ANKRD26: variants seen among roughly 807,000 people sequenced by gnomAD.
The protein encoded by ANKRD26 is ankyrin repeat domain 26, also known as ankyrin repeat domain-containing protein 26.
ANKRD26 carries 141 observed loss-of-function variants against 208.7 expected under a neutral mutation model. That is an observed-to-expected ratio of 0.68 (90% confidence interval 0.59 to 0.78). The LOEUF (loss-of-function observed/expected upper bound fraction) is 0.78. Ranked by LOEUF, ANKRD26 falls within the 30% of genes least tolerant of loss-of-function variation. The pLI is 0.00. For synonymous variants in ANKRD26, 636 were observed against 660.4 expected, an observed-to-expected ratio of 0.96 and a Z score of 0.57; for missense variants, 1,889 against 1,938.7, an observed-to-expected ratio of 0.97 and a Z score of 0.48.
chr10:27,005,274 T>A lies in ANKRD26; in HGVS notation c.*316A>T, dbSNP rs1310758302. On this transcript the variant is annotated 3_prime_UTR_variant, in exon 34 of 34. Transcript: ENST00000376087. ...ATTAGACATCTACCACTACATATAG[T>A]GATAAAAATTACAAAATACAAATAA... The A allele has an allele frequency of 9.3e-7, 1 of 1,074,494 alleles. No homozygotes were observed. Among genetic ancestry groups the A allele is most frequent in the East Asian group, 7.9e-5 (1 of 12,606 alleles). The allele number at this position is 1,074,494 out of a possible 1,614,324, so 66.6% of individuals were successfully genotyped here. A position where few individuals can be genotyped will look rare whatever the true frequency, so the allele number is the denominator to read the frequency against.
chr10:27,044,025 G>A, intron 19 of ANKRD26, 132 bp downstream of exon 19: 1 of 656,886 alleles, frequency 1.5e-6, no homozygotes. Context: ...AATTCCTGGA[G>A]TCAAGCAATC....
intron 4 of ANKRD26, among the ~76,000 whole-genome samples, chr10:27,086,975 T>C (rs2135681767): frequency 6.6e-6 from 1 of 152,252 alleles, no homozygotes; most frequent in East Asian, 1.9e-4. Flanking sequence ...GGTTTCACCA[T>C]GTTGGCCAGG....
At chr10:27,097,052 C>T (rs1022854320) in intron 1 of ANKRD26, among the ~76,000 whole-genome samples, 8 of 151,058 alleles carry the variant, frequency 5.3e-5, no homozygotes, top group Non-Finnish European at 5.9e-5. Context: ...CATGGTGGCA[C>T]GTGCCTGGAA....
downstream of ANKRD26, among the ~76,000 whole-genome samples, chr10:27,002,896 C>T (rs1260416561): frequency 1.3e-5 from 2 of 152,038 alleles, no homozygotes; most frequent in African/African-American, 4.8e-5. Flanking sequence ...CTGACGCACC[C>T]AAAATTGGGT....
intron 9 of ANKRD26, among the ~76,000 whole-genome samples, chr10:27,068,832 T>C (rs956166847): frequency 1.3e-5 from 2 of 148,468 alleles, no homozygotes; most frequent in African/African-American, 5.0e-5. Context: ...GGTCAGAAAG[T>C]GAACTGTCAC....
At position 27,043,690 on chromosome 10, in the gene ANKRD26, TTG is replaced by T. The variant is rs71844311; in HGVS notation, c.2020-125_2020-124del. 0.066 allele frequency: 64,581 copies of T among 981,794 alleles called. 2,498 individuals carry two copies. Among genetic ancestry groups the T allele is most frequent in the African/African-American group, 0.14 (8,854 of 61,088 alleles). 60.8% of individuals were successfully genotyped at this position (981,794 alleles called of 1,614,324 possible). ...GGTATTTCTTAAAAAGAACTGATTTTTGTTAAAAGGATTTATTTATCAACAGC... is the reference window on the plus strand; with the variant it reads ...GGTATTTCTTAAAAAGAACTGATTTTTTAAAAGGATTTATTTATCAACAGC... On this transcript the variant is annotated intron_variant, in intron 19 of 33. Transcript: ENST00000376087.
At position 27,046,525 on chromosome 10, in the gene ANKRD26, T is replaced by G; in HGVS notation, c.1815-2A>C. The G allele has an allele frequency of 6.2e-7, 1 of 1,613,432 alleles. No individual in the cohort carries two copies. The highest frequency in any genetic ancestry group is 8.5e-7 in the Non-Finnish European group (1 of 1,179,832). The stretch of plus-strand genomic sequence containing the variant: ...TTCATTTGCAAGGCAGGACCACTAC[T>G]TTAAAAAATCCATGGGAAATGACAG... On this transcript the variant is annotated splice_acceptor_variant, in intron 17 of 33. Coordinates refer to ENST00000376087, the MANE Select transcript of ANKRD26 (RefSeq NM_014915.3). LOFTEE classifies it high-confidence loss of function.
At chr10:27,051,762 C>T (rs2054669811) in intron 16 of ANKRD26, 2 of 985,192 alleles carry the variant, frequency 2.0e-6, no homozygotes, top group African/African-American at 3.5e-5. Context: ...TTTTTCATCG[C>T]AATCAAGTAT....
At chr10:27,098,663 C>T (rs903652805) in intron 1 of ANKRD26, among the ~76,000 whole-genome samples, 12 of 152,100 alleles carry the variant, frequency 7.9e-5, no homozygotes, top group African/African-American at 2.9e-4. Context: ...ATTCTCCTGC[C>T]TCAGCCTCCG....
At chr10:26,960,947 A>C in the ANKRD26 span, among the ~76,000 whole-genome samples, 2 of 152,272 alleles carry the variant, frequency 1.3e-5, no homozygotes, top group South Asian at 4.1e-4. Context: ...GGCTGGGCAC[A>C]GTGGCTCATG....
chr10:27,069,196 A>G (rs1291678140), intron 9 of ANKRD26, among the ~76,000 whole-genome samples: 1 of 7,100 alleles, frequency 1.4e-4, no homozygotes, highest in Non-Finnish European at 2.8e-4. Context: ...CGTCGTCTCA[A>G]AAAAAAAAAA....
Position 27,092,405 on chromosome 10 carries a change from C to A in ANKRD26, c.638+1G>T. 1 of 1,601,108 alleles carries A rather than the reference C, an allele frequency of 6.2e-7. No individual in the cohort carries two copies. Among genetic ancestry groups the A allele is most frequent in the Non-Finnish European group, 8.5e-7 (1 of 1,169,684 alleles). ...ATCCAAAACAAAACCAGCTACTGTA[C>A]CTTTCCAACTTATCTACTGCATTTA... On this transcript the variant is annotated splice_donor_variant, in intron 4 of 33. Transcript: ENST00000376087. LOFTEE classifies it high-confidence loss of function.
intron 25 of ANKRD26, chr10:27,030,443 G>C (rs1200329866): frequency 1.0e-6 from 1 of 985,384 alleles, no homozygotes; most frequent in Non-Finnish European, 1.2e-6. Context: ...TGCGAAACAA[G>C]GTTCCCAAAT....
chr10:27,057,309 CTGT>C (rs1180242380), intron 15 of ANKRD26, among the ~76,000 whole-genome samples: 1 of 152,098 alleles, frequency 6.6e-6, no homozygotes, highest in Admixed American at 6.5e-5. Context: ...GGATTTTTTT[CTGT>C]TTTTATTTTT....
chr10:27,099,834 T>C (rs1232299957), intron 1 of ANKRD26, among the ~76,000 whole-genome samples: 1 of 150,294 alleles, frequency 6.7e-6, no homozygotes, highest in Non-Finnish European at 1.5e-5. Flanking sequence ...GTTCGTTAAT[T>C]CACTTTAAAA....
the ANKRD26 span, among the ~76,000 whole-genome samples, chr10:26,955,966 A>G: frequency 6.6e-6 from 1 of 152,178 alleles, no homozygotes; most frequent in Non-Finnish European, 1.5e-5. Context: ...ACTCACTAAA[A>G]TATTTGTTTA....
chr10:26,962,452 G>A, the ANKRD26 span, among the ~76,000 whole-genome samples: 2 of 152,020 alleles, frequency 1.3e-5, no homozygotes, highest in Non-Finnish European at 2.9e-5. Flanking sequence ...GCGGGTGCCT[G>A]TAATCCCAGC....
chr10:27,100,242 CGCCCCCGCCTCCCGCGCTGCTCCTCT>C lies in ANKRD26; in HGVS notation c.59_84del (p.Gln20ArgfsTer30), dbSNP rs778926307. On this transcript the variant is annotated frameshift_variant, in exon 1 of 34. Transcript: ENST00000376087. LOFTEE classifies it high-confidence loss of function. ...TGCGAGTAGGCGCCCTCCCCCGGCT[CGCCCCCGCCTCCCGCGCTGCTCCTCT>C]GCCGCCGCGCGAAGGAGCCCAAGGG... 5 of 1,611,690 alleles carry C rather than the reference CGCCCCCGCCTCCCGCGCTGCTCCTCT, an allele frequency of 3.1e-6. No individual in the cohort carries two copies. The African/African-American group carries it at 4.0e-5, about 13-fold the overall frequency.
In ANKRD26 at chr10:27,092,280, C is replaced by T. The variant is rs2056324784; in HGVS notation, c.638+126G>A. ...ATATTTCTGACTTGAGTGAGAAACA[C>T]CAACGAATCACTGTTGCCCCTCAAG... On this transcript the variant is annotated intron_variant, in intron 4 of 33. Coordinates refer to ENST00000376087, the MANE Select transcript of ANKRD26 (RefSeq NM_014915.3). 8 of 683,540 alleles carry T rather than the reference C, an allele frequency of 1.2e-5. No individual in the cohort carries two copies. The Admixed American group carries it at 2.0e-4, about 17-fold the overall frequency. 42.3% of individuals were successfully genotyped at this position (683,540 alleles called of 1,614,324 possible).
Sources: gnomAD v4.1 joint callset for allele counts (sites outside exome capture counted in the v4.1 genomes callset) on GRCh38, gnomAD v4.1.1 for gene constraint, MANE v1.5 for transcripts, NCBI Gene and HGNC (gene_info 2026-07-23, HGNC 2026-07-21) for gene names.